L3MBTL4: variants seen among roughly 807,000 people sequenced by gnomAD.
L3MBTL4 encodes the protein lethal(3)malignant brain tumor-like protein 4.
Under a neutral mutation model 84.5 loss-of-function variants are expected in L3MBTL4, and 70 were observed. The ratio of observed to expected loss-of-function variants is 0.83; its 90% CI spans 0.68 to 1.01. L3MBTL4 has a LOEUF of 1.01. Among genes scored for constraint, L3MBTL4 ranks in the 50% least tolerant of loss-of-function variants. The pLI is 0.00. For missense variants in L3MBTL4, 715 were observed against 754.8 expected (o/e 0.95, Z 0.62); for synonymous variants, 274 against 259.8 (o/e 1.05, Z -0.52).
chr18:5,959,434 T>G (rs904144227), intron 18 of L3MBTL4, among the ~76,000 whole-genome samples: 2 of 152,200 alleles, frequency 1.3e-5, no homozygotes, highest in Non-Finnish European at 2.9e-5. Flanking sequence ...GATTAGTATG[T>G]GCATCATTCT....
At chr18:6,240,115 TTTTC>T (rs761165159) in intron 8 of L3MBTL4, among the ~76,000 whole-genome samples, 104 of 152,192 alleles carry the variant, frequency 6.8e-4, no homozygotes, top group Non-Finnish European at 1.1e-3. Flanking sequence ...TGCAGGGAGG[TTTTC>T]TTTCCCTTAT....
At chr18:6,189,713 C>T (rs980562332) in intron 12 of L3MBTL4, among the ~76,000 whole-genome samples, 1 of 151,642 alleles carries the variant, frequency 6.6e-6, no homozygotes, top group Non-Finnish European at 1.5e-5. Context: ...ATGGATATTC[C>T]AGAATTTAAA....
intron 16 of L3MBTL4, among the ~76,000 whole-genome samples, chr18:5,989,766 T>C (rs751075842): frequency 3.3e-5 from 5 of 152,204 alleles, no homozygotes; most frequent in South Asian, 2.1e-4. Context: ...ACTTCACATG[T>C]CAAACAATAA....
intron 16 of L3MBTL4, 47 bp downstream of exon 16, chr18:6,080,834 C>T (rs2058051052): frequency 1.5e-6 from 2 of 1,344,166 alleles, no homozygotes; most frequent in Admixed American, 1.9e-5. Context: ...AGACATTCTG[C>T]ACAACAAAAA....
intron 16 of L3MBTL4, among the ~76,000 whole-genome samples, chr18:5,991,986 GCATC>G (rs35529758): frequency 0.48 from 70,727 of 148,858 alleles, 16,831 homozygotes; most frequent in East Asian, 0.53. Context: ...TCCATCCAGT[GCATC>G]CATCCATCCA....
At chr18:6,256,901 C>T (rs1334053408) in intron 5 of L3MBTL4, 3 of 152,098 alleles carry the variant, frequency 2.0e-5, no homozygotes, top group Admixed American at 6.6e-5. Flanking sequence ...CAAGGTCTGC[C>T]GAGGCCAGGC....
chr18:6,160,731 CAAAAAAA>C (rs560903489), intron 13 of L3MBTL4, among the ~76,000 whole-genome samples: 6 of 48,476 alleles, frequency 1.2e-4, no homozygotes, highest in African/African-American at 2.4e-4. Flanking sequence ...AGATCCGTCT[CAAAAAAA>C]AAAAAAAAAA....
At chr18:6,326,476 G>A (rs2051723436) in intron 1 of L3MBTL4, 1 of 152,208 alleles carries the variant, frequency 6.6e-6, no homozygotes, top group Non-Finnish European at 1.5e-5. Flanking sequence ...TCAAGCCAAA[G>A]TCCTGGGAAA....
At chr18:6,117,187 C>T (rs567014997) in intron 14 of L3MBTL4, among the ~76,000 whole-genome samples, 11 of 152,154 alleles carry the variant, frequency 7.2e-5, no homozygotes, top group African/African-American at 1.4e-4. Flanking sequence ...GGTCAATAAG[C>T]GGGACTAATT....
rs551147253 is a variant in L3MBTL4, at chr18:6,141,945, T to C, written c.1097-3649A>G. 2.0e-5 allele frequency among the ~76,000 whole-genome samples: 3 copies of C among 152,370 alleles called. No individual in the cohort carries two copies. In the South Asian group the frequency reaches 6.2e-4, roughly 32 times the overall value. ...CTTGATTTTTCTCCTCATTCAGGATTCTGCATCCATGCTGGCCTTCTCCTA... is the reference window on the plus strand; with the variant it reads ...CTTGATTTTTCTCCTCATTCAGGATCCTGCATCCATGCTGGCCTTCTCCTA... On this transcript the variant is annotated intron_variant, in intron 13 of 18. Transcript: ENST00000317931.
chr18:6,178,745 A>G (rs1191082875), intron 12 of L3MBTL4, among the ~76,000 whole-genome samples: 1 of 152,208 alleles, frequency 6.6e-6, no homozygotes, highest in African/African-American at 2.4e-5. Flanking sequence ...ATAACTTGGA[A>G]ATTTAAAAGT....
intron 14 of L3MBTL4, among the ~76,000 whole-genome samples, chr18:6,106,504 C>A (rs1213047319): frequency 6.6e-6 from 1 of 152,148 alleles, no homozygotes; most frequent in Non-Finnish European, 1.5e-5. Context: ...AGAACAAAGG[C>A]ACATTCTCTG....
chr18:5,986,866 G>A (rs2053485139), intron 16 of L3MBTL4, among the ~76,000 whole-genome samples: 1 of 152,222 alleles, frequency 6.6e-6, no homozygotes, highest in Admixed American at 6.5e-5. Flanking sequence ...AGGCTTCACA[G>A]TTACTAACAT....
chr18:6,291,145 G>A (rs562070373), intron 4 of L3MBTL4, among the ~76,000 whole-genome samples: 20 of 152,102 alleles, frequency 1.3e-4, no homozygotes, highest in African/African-American at 4.1e-4. Context: ...ATGGAATCTC[G>A]CCCCTTTTTC....
At chr18:6,267,967 G>C (rs1477508478) in intron 4 of L3MBTL4, among the ~76,000 whole-genome samples, 1 of 152,100 alleles carries the variant, frequency 6.6e-6, no homozygotes, top group East Asian at 1.9e-4. Context: ...TCACCATGTT[G>C]TTTTATTTTT....
intron 11 of L3MBTL4, among the ~76,000 whole-genome samples, chr18:6,215,482 A>T (rs1037255968): frequency 2.0e-5 from 3 of 152,172 alleles, no homozygotes; most frequent in Admixed American, 1.3e-4. Context: ...TAAGGAATGG[A>T]TCATCAGCAG....
intron 14 of L3MBTL4, among the ~76,000 whole-genome samples, chr18:6,137,527 T>C (rs1345798481): frequency 6.6e-6 from 1 of 152,224 alleles, no homozygotes; most frequent in Admixed American, 6.5e-5. Flanking sequence ...TCTATGTTTG[T>C]TTACATATTT....
At chr18:6,131,464 G>T (rs926959194) in intron 14 of L3MBTL4, among the ~76,000 whole-genome samples, 1 of 152,150 alleles carries the variant, frequency 6.6e-6, no homozygotes, top group Non-Finnish European at 1.5e-5. Flanking sequence ...GAGACTGCAA[G>T]AAGTGTCTTG....
chr18:6,304,923 A>G lies in L3MBTL4; in HGVS notation c.73-2966T>C, dbSNP rs181398512. ...AATAAAAAGAAATATATAATATGCTATCTGTCGCTCAGTGAGTGTTTGGTT... is the reference window on the plus strand; with the variant it reads ...AATAAAAAGAAATATATAATATGCTGTCTGTCGCTCAGTGAGTGTTTGGTT... On this transcript the variant is annotated intron_variant, in intron 3 of 18. Transcript: ENST00000317931. Among the ~76,000 whole-genome samples the G allele has an allele frequency of 2.1e-3, 322 of 152,360 alleles. 2 individuals are homozygous for G. Among genetic ancestry groups the G allele is most frequent in the African/African-American group, 7.6e-3 (317 of 41,586 alleles).
Sources: allele counts gnomAD v4.1 joint callset (sites outside exome capture counted in the v4.1 genomes callset), GRCh38; gene constraint gnomAD v4.1.1; transcripts MANE v1.5; gene names NCBI Gene and HGNC (gene_info 2026-07-23, HGNC 2026-07-21).